The following SESTD1 variants were observed in gnomAD, a reference collection of about 807,000 sequenced individuals.
The protein encoded by SESTD1 is SEC14 domain and spectrin repeat-containing protein 1.
Under a neutral mutation model 101.7 loss-of-function variants are expected in SESTD1, and 43 were observed. The ratio of observed to expected loss-of-function variants is 0.42; its 90% CI spans 0.33 to 0.55. The LOEUF (loss-of-function observed/expected upper bound fraction) is 0.55. Among genes scored for constraint, SESTD1 ranks in the 20% least tolerant of loss-of-function variants. The pLI, the probability that SESTD1 is intolerant of heterozygous loss-of-function variation, is 0.07. For missense variants in SESTD1, 647 were observed against 815.1 expected (o/e 0.79, Z 2.51); for synonymous variants, 283 against 286.8 (o/e 0.99, Z 0.13).
rs989823419 is a variant in SESTD1, at chr2:179,169,492, T to C, written c.369+2628A>G. 1.3e-5 allele frequency among the ~76,000 whole-genome samples: 2 copies of C among 151,904 alleles called. 1 individual carries two copies. Among genetic ancestry groups the C allele is most frequent in the Non-Finnish European group, 2.9e-5 (2 of 67,964 alleles). On this transcript the variant is annotated intron_variant, in intron 5 of 17. Coordinates refer to ENST00000428443, the MANE Select transcript of SESTD1 (RefSeq NM_178123.5). The stretch of plus-strand genomic sequence containing the variant: ...ATAGAAATAGTTCCACATATAACAG[T>C]TGGAGGTTGCAATATTCCTCTTTCA...
intron 1 of SESTD1, among the ~76,000 whole-genome samples, chr2:179,218,632 G>T (rs898858933): frequency 6.6e-6 from 1 of 152,102 alleles, no homozygotes; most frequent in Admixed American, 6.6e-5. Context: ...TCTACAGTTA[G>T]GGACAATGAA....
At chr2:179,225,177 T>C (rs531453702) in intron 1 of SESTD1, among the ~76,000 whole-genome samples, 43 of 152,188 alleles carry the variant, frequency 2.8e-4, no homozygotes, top group African/African-American at 8.9e-4. Flanking sequence ...GGCAAATTGA[T>C]TGGTTGCTGG....
At chr2:179,227,421 C>G (rs913498892) in intron 1 of SESTD1, among the ~76,000 whole-genome samples, 6 of 152,206 alleles carry the variant, frequency 3.9e-5, no homozygotes, top group Non-Finnish European at 8.8e-5. Context: ...AAAAGAAGCA[C>G]AGAGAAAATT....
intron 1 of SESTD1, among the ~76,000 whole-genome samples, chr2:179,220,082 T>C (rs1027709772): frequency 5.4e-5 from 8 of 147,264 alleles, no homozygotes; most frequent in Non-Finnish European, 1.0e-4. Context: ...TTAAAAGTCC[T>C]ATACTATATT....
intron 1 of SESTD1, among the ~76,000 whole-genome samples, chr2:179,192,133 G>A (rs2046328426): frequency 6.6e-6 from 1 of 152,082 alleles, no homozygotes. Context: ...AATATCCTCT[G>A]GTAGGCAAAA....
At chr2:179,212,685 T>C (rs1328996902) in intron 1 of SESTD1, among the ~76,000 whole-genome samples, 1 of 135,444 alleles carries the variant, frequency 7.4e-6, no homozygotes, top group Non-Finnish European at 1.6e-5. Context: ...AGATTGCCTC[T>C]TCAAGTGGGT....
rs544585112 is a variant in SESTD1, at chr2:179,254,221, G to A, written c.-26+10278C>T. On this transcript the variant is annotated intron_variant, in intron 1 of 17. Coordinates refer to ENST00000428443, the MANE Select transcript of SESTD1 (RefSeq NM_178123.5). Reference sequence around the variant, plus strand: ...GGAACTGAACTAAGACAAAGACTATGGAAATAATGTAGAGGATTAATGAGA... The same window carrying A: ...GGAACTGAACTAAGACAAAGACTATAGAAATAATGTAGAGGATTAATGAGA... 1.1e-4 allele frequency among the ~76,000 whole-genome samples: 16 copies of A among 152,172 alleles called. No homozygotes were observed. The South Asian group carries it at 3.3e-3, about 32-fold the overall frequency.
At chr2:179,130,615 T>C (rs1165744814) in intron 10 of SESTD1, among the ~76,000 whole-genome samples, 2 of 152,012 alleles carry the variant, frequency 1.3e-5, no homozygotes, top group Admixed American at 6.5e-5. Context: ...ATTATTTATC[T>C]TGGCATTTAA....
chr2:179,118,829 A>C (rs184645462), intron 13 of SESTD1, among the ~76,000 whole-genome samples: 1 of 152,322 alleles, frequency 6.6e-6, no homozygotes, highest in East Asian at 1.9e-4. Context: ...TTATAAAGCT[A>C]TTTAAAATGT....
chr2:179,200,997 G>A (rs1473469773), intron 1 of SESTD1, among the ~76,000 whole-genome samples: 1 of 133,974 alleles, frequency 7.5e-6, no homozygotes, highest in Non-Finnish European at 1.6e-5. Flanking sequence ...CCTACAGAAT[G>A]GGAGAAAATT....
chr2:179,121,352 T>C (rs1380594354), intron 13 of SESTD1, among the ~76,000 whole-genome samples: 5 of 152,132 alleles, frequency 3.3e-5, no homozygotes, highest in South Asian at 4.1e-4. Flanking sequence ...ACAGCAAATA[T>C]GAGAACAATG....
rs180681507 is a variant in SESTD1 at position 179,149,536 on chromosome 2, C to T, written c.484-142G>A. The T allele has an allele frequency of 5.9e-4, 319 of 539,156 alleles. 1 individual carries two copies. The highest frequency in any genetic ancestry group is 4.6e-3 in the African/African-American group (234 of 50,480). 33.4% of individuals were successfully genotyped at this position (539,156 alleles called of 1,614,324 possible). A position where few individuals can be genotyped will look rare whatever the true frequency, so the allele number is the denominator to read the frequency against. On this transcript the variant is annotated intron_variant, in intron 6 of 17. Coordinates refer to ENST00000428443, the MANE Select transcript of SESTD1 (RefSeq NM_178123.5). ...AGTTCGTGCAATTCTACCACCAGAG[C>T]ACAACAATGTACCCAAGAGAAGACA...
At chr2:179,123,923 C>A (rs1334508230) in intron 11 of SESTD1, 94 bp from the exon 12 acceptor site, 3 of 866,504 alleles carry the variant, frequency 3.5e-6, no homozygotes, top group Non-Finnish European at 5.6e-6. Context: ...GAGGTTATCA[C>A]AATTACACTT....
intron 1 of SESTD1, among the ~76,000 whole-genome samples, chr2:179,223,567 C>A (rs1574047622): frequency 6.6e-6 from 1 of 151,188 alleles, no homozygotes. Context: ...AAAAAGTAAG[C>A]AATATTCTCT....
intron 1 of SESTD1, among the ~76,000 whole-genome samples, chr2:179,197,762 G>C (rs1285472058): frequency 6.6e-6 from 1 of 152,008 alleles, no homozygotes; most frequent in East Asian, 1.9e-4. Context: ...CAAATGCTGA[G>C]AGATTTTGTC....
chr2:179,199,528 T>C (rs1206579395), intron 1 of SESTD1, among the ~76,000 whole-genome samples: 1 of 152,176 alleles, frequency 6.6e-6, no homozygotes, highest in Non-Finnish European at 1.5e-5. Flanking sequence ...ACCAATATCC[T>C]TGATGAACAT....
intron 12 of SESTD1, among the ~76,000 whole-genome samples, chr2:179,122,628 G>A (rs1575425492): frequency 6.6e-6 from 1 of 152,298 alleles, no homozygotes; most frequent in East Asian, 1.9e-4. Context: ...GCTGGCTCAT[G>A]CCTGTAATCC....
chr2:179,238,664 A>G (rs1357156530), intron 1 of SESTD1, among the ~76,000 whole-genome samples: 1 of 151,648 alleles, frequency 6.6e-6, no homozygotes, highest in Non-Finnish European at 1.5e-5. Context: ...GTGTTATTTT[A>G]TAATTCTTTC....
At chr2:179,237,963 T>A (rs1207769816) in intron 1 of SESTD1, among the ~76,000 whole-genome samples, 1 of 152,130 alleles carries the variant, frequency 6.6e-6, no homozygotes, top group Non-Finnish European at 1.5e-5. Flanking sequence ...ACATGTAACT[T>A]CAGACTCCCC....
Sources: allele counts gnomAD v4.1 joint callset (sites outside exome capture counted in the v4.1 genomes callset), GRCh38; gene constraint gnomAD v4.1.1; transcripts MANE v1.5; gene names NCBI Gene and HGNC (gene_info 2026-07-23, HGNC 2026-07-21).